The following SDK1 variants were observed in gnomAD, a reference collection of about 807,000 sequenced individuals.
SDK1 encodes sidekick cell adhesion molecule 1.
SDK1 carries 157 observed loss-of-function variants against 245.5 expected under a neutral mutation model. That is an observed-to-expected ratio of 0.64 (90% CI 0.56 to 0.73). The LOEUF is 0.73. Among genes scored for constraint, SDK1 ranks in the 30% least tolerant of loss-of-function variants. The probability of loss-of-function intolerance (pLI) is 0.00; values close to 1 mark genes in which losing one functional copy is unlikely to be tolerated. For synonymous variants in SDK1, 1,647 were observed against 1,278.5 expected, an observed-to-expected ratio of 1.29 and a Z score of -6.15; for missense variants, 3,583 against 3,002.3, an observed-to-expected ratio of 1.19 and a Z score of -4.52.
chr7:4,241,788 T>G lies in SDK1; in HGVS notation c.6131-5T>G. ...GTCTGTTCTCACTCTCCTGCTGGGC[T>G]TTAGGAAAGGGGATCTCCACCATGG... is the stretch of plus-strand genomic sequence containing the variant. On this transcript the variant is annotated splice_polypyrimidine_tract_variant and splice_region_variant and intron_variant, in intron 42 of 44. Transcript: ENST00000404826. 1 of 1,614,090 alleles carries G rather than the reference T, an allele frequency of 6.2e-7. No homozygotes were observed. Among genetic ancestry groups the G allele is most frequent in the East Asian group, 2.2e-5 (1 of 44,864 alleles).
chr7:3,628,274 T>C (rs1782180452), intron 2 of SDK1, among the ~76,000 whole-genome samples: 1 of 152,180 alleles, frequency 6.6e-6, no homozygotes, highest in Admixed American at 6.5e-5. Context: ...TCCAGTTGCA[T>C]ATTTTCTTTC....
At chr7:4,033,134 C>G (rs1787954097) in intron 17 of SDK1, among the ~76,000 whole-genome samples, 2 of 152,172 alleles carry the variant, frequency 1.3e-5, no homozygotes, top group South Asian at 2.1e-4. Context: ...CGGAACAGAA[C>G]AGAAAGCCCA....
At chr7:4,013,222 T>C (rs1043604085) in intron 16 of SDK1, among the ~76,000 whole-genome samples, 6 of 152,264 alleles carry the variant, frequency 3.9e-5, no homozygotes, top group African/African-American at 1.4e-4. Flanking sequence ...TCTGAACTTG[T>C]CTGTGTTTGA....
chr7:3,608,098 C>CA (rs1480450612), intron 1 of SDK1, among the ~76,000 whole-genome samples: 2 of 152,198 alleles, frequency 1.3e-5, no homozygotes, highest in African/African-American at 4.8e-5. Flanking sequence ...CAAACTACAC[C>CA]AGCTGGTGTG....
At chr7:4,033,853 A>G (rs1788023127) in intron 17 of SDK1, among the ~76,000 whole-genome samples, 1 of 152,276 alleles carries the variant, frequency 6.6e-6, no homozygotes. Flanking sequence ...CAATGATACA[A>G]CCCCTAATTA....
At chr7:4,084,124 G>A (rs1207633837) in intron 22 of SDK1, among the ~76,000 whole-genome samples, 1 of 152,140 alleles carries the variant, frequency 6.6e-6, no homozygotes, top group African/African-American at 2.4e-5. Context: ...AAGCATCTCT[G>A]CTCATCCCTC....
intron 4 of SDK1, among the ~76,000 whole-genome samples, chr7:3,683,845 G>A (rs748196118): frequency 5.9e-5 from 9 of 152,174 alleles, no homozygotes; most frequent in Non-Finnish European, 1.0e-4. Context: ...GACACAAAAT[G>A]CTCCAAGAAC....
intron 4 of SDK1, among the ~76,000 whole-genome samples, chr7:3,779,396 C>T (rs1780657592): frequency 6.6e-6 from 1 of 151,588 alleles, no homozygotes; most frequent in Non-Finnish European, 1.5e-5. Flanking sequence ...AGATGGGAGA[C>T]ATCGAACAGT....
chr7:4,085,369 CAGTTTATAATATATTT>C (rs1781362749), intron 22 of SDK1, among the ~76,000 whole-genome samples: 1 of 152,056 alleles, frequency 6.6e-6, no homozygotes, highest in South Asian at 2.1e-4. Flanking sequence ...AGTTTATATT[CAGTTTATAATATATTT>C]AGTTTATACT....
chr7:3,838,740 C>T (rs375174472), intron 5 of SDK1, among the ~76,000 whole-genome samples: 248 of 152,340 alleles, frequency 1.6e-3, no homozygotes, highest in African/African-American at 5.6e-3. Flanking sequence ...CAGGTCTCAG[C>T]AGTTCCAAGC....
intron 8 of SDK1, among the ~76,000 whole-genome samples, chr7:3,960,566 C>T (rs1355976929): frequency 6.6e-6 from 1 of 152,176 alleles, no homozygotes; most frequent in Non-Finnish European, 1.5e-5. Flanking sequence ...AGGGAAAGAT[C>T]AGCCTCTGCC....
rs753019500 is a variant in SDK1 at position 4,178,500 on chromosome 7, G to T, written c.5012G>T (p.Arg1671Leu). 1.2e-6 allele frequency: 2 copies of T among 1,613,316 alleles called. No homozygotes were observed. Among genetic ancestry groups the T allele is most frequent in the Non-Finnish European group, 1.7e-6 (2 of 1,179,330 alleles). ...MCELTHLKKYRRYEVIMTAYN... is the reference protein window; with the variant it reads ...MCELTHLKKYLRYEVIMTAYN... ...AACCCTGCAGATTTAAAGAAGTACC[G>T]GCGCTATGAAGTAATAATGACCGCC... The change falls in exon 35 of 45, where the codon CGG (arginine) becomes CTG (leucine). Residue 1671 changes from arginine to leucine, a missense_variant. Physicochemically the swap from Arg to Leu is moderately radical, Grantham distance 102. Coordinates refer to ENST00000404826, the MANE Select transcript of SDK1 (RefSeq NM_152744.4).
chr7:3,437,042 G>A (rs1780049466), intron 1 of SDK1, among the ~76,000 whole-genome samples: 1 of 152,168 alleles, frequency 6.6e-6, no homozygotes, highest in African/African-American at 2.4e-5. Flanking sequence ...CAGTCCAGGA[G>A]AGCCTGGTCT....
At position 4,162,989 on chromosome 7, in the gene SDK1, G is replaced by T. The variant is rs1024894415; in HGVS notation, c.4800+1133G>T. Among the ~76,000 whole-genome samples the T allele has an allele frequency of 7.2e-5, 11 of 152,256 alleles. No homozygotes were observed. In the East Asian group the frequency reaches 1.9e-3, roughly 27 times the overall value. On this transcript the variant is annotated intron_variant, in intron 32 of 44. Transcript: ENST00000404826. ...GTGCGGAGGACTCAGCCCAGGGCCT[G>T]TGTAGCCCGGATCCGGGGCAGACAG...
At chr7:4,121,631 G>A (rs940851682) in intron 25 of SDK1, among the ~76,000 whole-genome samples, 6 of 152,158 alleles carry the variant, frequency 3.9e-5, no homozygotes, top group Non-Finnish European at 8.8e-5. Flanking sequence ...GTGTGAAAAT[G>A]GACTGATACA....
chr7:4,235,829 G>A (rs1786129922), intron 41 of SDK1, among the ~76,000 whole-genome samples: 1 of 152,206 alleles, frequency 6.6e-6, no homozygotes. Context: ...ATCACCTGCT[G>A]GCGTCAGGAC....
At chr7:4,129,627 T>C in intron 26 of SDK1, 2 of 1,294,706 alleles carry the variant, frequency 1.5e-6, no homozygotes, top group Non-Finnish European at 2.0e-6. Flanking sequence ...TTGGCATGGC[T>C]GCAGTTGGGC....
chr7:4,192,206 G>A (rs140373378), intron 35 of SDK1, among the ~76,000 whole-genome samples: 3 of 152,330 alleles, frequency 2.0e-5, no homozygotes, highest in African/African-American at 7.2e-5. Flanking sequence ...TGCTGTCAGT[G>A]CCATTTTCCC....
chr7:3,844,221 T>G (rs761721205), intron 5 of SDK1, among the ~76,000 whole-genome samples: 1 of 152,156 alleles, frequency 6.6e-6, no homozygotes, highest in Non-Finnish European at 1.5e-5. Context: ...TCTGCCCACC[T>G]CAGCCTCCCA....
Sources: allele counts gnomAD v4.1 joint callset (sites outside exome capture counted in the v4.1 genomes callset), GRCh38; gene constraint gnomAD v4.1.1; transcripts MANE v1.5; gene names NCBI Gene and HGNC (gene_info 2026-07-23, HGNC 2026-07-21).